MTX2: variants seen among roughly 807,000 people sequenced by gnomAD.
The protein encoded by MTX2 is metaxin-2.
A neutral mutation model predicts 42.3 loss-of-function variants in MTX2; 35 were observed. The observed-to-expected ratio is 0.83, with a 90% confidence interval of 0.63 to 1.10. The LOEUF is 1.10. MTX2 is among the 50% of genes least tolerant of loss of function. MTX2 has a pLI of 0.00. For missense variants in MTX2, 307 were observed against 304.1 expected, an observed-to-expected ratio of 1.01 and a Z score of -0.07; for synonymous variants, 119 against 100.9, an observed-to-expected ratio of 1.18 and a Z score of -1.08.
chr2:176,269,687 A>G lies in MTX2; in HGVS notation c.40+18A>G. 6.3e-7 allele frequency: 1 copy of G among 1,589,598 alleles called. No homozygotes were observed. The highest frequency in any genetic ancestry group is 1.7e-5 in the Admixed American group (1 of 57,762). ...GATTGCAGGTAGCGCGGCTGGCCGCAGACCCAGAAGGTGGCGGCGCGGTCT... is the reference window on the plus strand; with the variant it reads ...GATTGCAGGTAGCGCGGCTGGCCGCGGACCCAGAAGGTGGCGGCGCGGTCT... On this transcript the variant is annotated intron_variant, in intron 1 of 9. Coordinates refer to ENST00000249442, the MANE Select transcript of MTX2 (RefSeq NM_006554.5).
In MTX2 at chr2:176,269,445, C is replaced by T. The variant is rs1404437968; in HGVS notation, c.-185C>T. ...GCCGTTGTCGGCTGCGCCGGAAGTC[C>T]CTAGCCAGGCCTGGCGGTAACCTTG... On this transcript the variant is annotated 5_prime_UTR_variant, in exon 1 of 10. Coordinates refer to ENST00000249442, the MANE Select transcript of MTX2 (RefSeq NM_006554.5). 3.2e-6 allele frequency: 2 copies of T among 620,172 alleles called. No homozygotes were observed. Among genetic ancestry groups the T allele is most frequent in the Non-Finnish European group, 5.1e-6 (2 of 389,616 alleles). 38.4% of individuals were successfully genotyped at this position (620,172 alleles called of 1,614,324 possible).
intron 3 of MTX2, among the ~76,000 whole-genome samples, chr2:176,302,458 A>G (rs1275721856): frequency 6.6e-6 from 1 of 152,052 alleles, no homozygotes; most frequent in East Asian, 1.9e-4. Flanking sequence ...TTTTTTTGAG[A>G]TGGAGTCTAG....
At chr2:176,305,251 A>G (rs1684111662) in intron 3 of MTX2, among the ~76,000 whole-genome samples, 2 of 152,200 alleles carry the variant, frequency 1.3e-5, no homozygotes, top group South Asian at 4.1e-4. Flanking sequence ...TCCATCTACT[A>G]GTTCATCCTA....
In MTX2 at chr2:176,323,473, G is replaced by GTT; in HGVS notation, c.208+17_208+18dup. 1.9e-6 allele frequency: 3 copies of GTT among 1,583,350 alleles called. No individual in the cohort carries two copies. The highest frequency in any genetic ancestry group is 1.7e-6 in the Non-Finnish European group (2 of 1,158,676). Reference sequence around the variant, plus strand: ...ATATATGTCTCCATCTGGTAAGTGTGTTTTTTTTTCTTCTCTGTTAATATT... The same window carrying GTT: ...ATATATGTCTCCATCTGGTAAGTGTGTTTTTTTTTTTCTTCTCTGTTAATATT... On this transcript the variant is annotated intron_variant, in intron 4 of 9. Coordinates refer to ENST00000249442, the MANE Select transcript of MTX2 (RefSeq NM_006554.5).
At chr2:176,275,515 A>G (rs771380827) in intron 1 of MTX2, among the ~76,000 whole-genome samples, 4 of 152,188 alleles carry the variant, frequency 2.6e-5, no homozygotes, top group Non-Finnish European at 4.4e-5. Flanking sequence ...CTGAGATTAC[A>G]GGTGTGAGCC....
chr2:176,322,053 A>G (rs1459093650), intron 3 of MTX2, among the ~76,000 whole-genome samples: 2 of 152,160 alleles, frequency 1.3e-5, no homozygotes, highest in Non-Finnish European at 2.9e-5. Context: ...GAGATCAGAC[A>G]TGCATACATA....
intron 1 of MTX2, among the ~76,000 whole-genome samples, chr2:176,272,783 G>GT (rs1692854906): frequency 6.6e-6 from 1 of 152,150 alleles, no homozygotes; most frequent in Non-Finnish European, 1.5e-5. Flanking sequence ...TAGATTGTTG[G>GT]TAGAGGGTGG....
chr2:176,311,362 G>A (rs1188543944), intron 3 of MTX2, among the ~76,000 whole-genome samples: 1 of 152,194 alleles, frequency 6.6e-6, no homozygotes, highest in Non-Finnish European at 1.5e-5. Flanking sequence ...GGGGGTCAGG[G>A]ATCCACTTGA....
At chr2:176,335,776 A>G (rs571994759) in intron 9 of MTX2, among the ~76,000 whole-genome samples, 1 of 152,088 alleles carries the variant, frequency 6.6e-6, no homozygotes, top group African/African-American at 2.4e-5. Context: ...AATTACTGCT[A>G]TTGAGAAAAT....
intron 3 of MTX2, among the ~76,000 whole-genome samples, chr2:176,317,754 T>A (rs555684454): frequency 6.6e-5 from 10 of 152,242 alleles, no homozygotes; most frequent in African/African-American, 2.4e-4. Flanking sequence ...TAACTTTGCC[T>A]CTTTCAGAGT....
chr2:176,272,465 C>G (rs1692840495), intron 1 of MTX2, among the ~76,000 whole-genome samples: 1 of 151,904 alleles, frequency 6.6e-6, no homozygotes, highest in Non-Finnish European at 1.5e-5. Flanking sequence ...TATTAATTAC[C>G]TTGATTTATT....
chr2:176,293,443 C>G (rs1316251786), intron 1 of MTX2, among the ~76,000 whole-genome samples: 1 of 152,044 alleles, frequency 6.6e-6, no homozygotes, highest in African/African-American at 2.4e-5. Flanking sequence ...AATGTAATCC[C>G]CGTTGTTGGA....
At chr2:176,328,431 T>C (rs750252060) in intron 6 of MTX2, 46 bp downstream of exon 6, 17 of 1,211,594 alleles carry the variant, frequency 1.4e-5, no homozygotes, top group Non-Finnish European at 1.9e-5. Context: ...TTTTCTCTCA[T>C]TCTCATAAAA....
intron 3 of MTX2, among the ~76,000 whole-genome samples, chr2:176,307,314 T>C (rs575386474): frequency 2.0e-4 from 30 of 152,328 alleles, no homozygotes; most frequent in Non-Finnish European, 3.7e-4. Context: ...ACTGTAGCCT[T>C]GTAGTGTAGT....
intron 1 of MTX2, among the ~76,000 whole-genome samples, chr2:176,276,047 G>C (rs548750046): frequency 2.0e-5 from 3 of 152,208 alleles, no homozygotes; most frequent in Non-Finnish European, 4.4e-5. Context: ...TTAAGCCTGA[G>C]ATTTCTCATT....
intron 6 of MTX2, 34 bp from the exon 7 acceptor site, chr2:176,328,840 T>C: frequency 2.5e-6 from 4 of 1,590,010 alleles, no homozygotes; most frequent in Non-Finnish European, 3.4e-6. Context: ...CTCTTTGGTA[T>C]TCTAAAGTTT....
rs764207958 is a variant in MTX2, at chr2:176,328,294, G to A, written c.287G>A (p.Gly96Asp). 1.6e-5 allele frequency: 25 copies of A among 1,552,006 alleles called. No individual in the cohort carries two copies. In the East Asian group the frequency reaches 5.3e-4, roughly 33 times the overall value. The change falls in exon 6 of 10, where the codon GGC (glycine) becomes GAC (aspartate). Residue 96 changes from glycine (G) to aspartate (D), a missense_variant and splice_region_variant. Transcript: ENST00000249442. ...GPIVQFVKAK[G>D]HSLSDGLEEV... ...TAAATTTTTTTAAATTCCCTTTAGGGCCATTCTCTTAGTGATGGGCTGGAG... is the reference window on the plus strand; with the variant it reads ...TAAATTTTTTTAAATTCCCTTTAGGACCATTCTCTTAGTGATGGGCTGGAG...
chr2:176,300,001 T>TA (rs1254056355), intron 3 of MTX2, among the ~76,000 whole-genome samples: 2 of 152,110 alleles, frequency 1.3e-5, no homozygotes, highest in African/African-American at 4.8e-5. Context: ...TTTTTTCCTG[T>TA]AGCTATTTCC....
intron 1 of MTX2, among the ~76,000 whole-genome samples, chr2:176,289,222 CAT>C (rs1693273725): frequency 1.3e-5 from 2 of 151,920 alleles, no homozygotes; most frequent in Admixed American, 6.6e-5. Context: ...GTTGCTTTAT[CAT>C]GTGTGCATTT....
Sources: allele counts gnomAD v4.1 joint callset (sites outside exome capture counted in the v4.1 genomes callset), GRCh38; gene constraint gnomAD v4.1.1; transcripts MANE v1.5; gene names NCBI Gene and HGNC (gene_info 2026-07-23, HGNC 2026-07-21).